Variants in IL31RA observed in about 807,000 individuals in gnomAD.
The protein encoded by IL31RA is interleukin 31 receptor A, also known as interleukin-31 receptor subunit alpha.
IL31RA carries 66 observed loss-of-function variants against 83.7 expected under a neutral mutation model. That is an observed-to-expected ratio of 0.79 (90% CI 0.65 to 0.97). The LOEUF (loss-of-function observed/expected upper bound fraction) is 0.97, where lower values mean the gene tolerates loss of function less well. IL31RA is among the 50% of genes least tolerant of loss of function. The pLI is 0.00. For missense variants in IL31RA, 798 were observed against 919.4 expected, an observed-to-expected ratio of 0.87 and a Z score of 1.71; for synonymous variants, 325 against 329.0, an observed-to-expected ratio of 0.99 and a Z score of 0.13.
chr5:55,867,191 G>GTGTGTGCC (rs56032030), intron 2 of IL31RA, among the ~76,000 whole-genome samples: 1 of 119,592 alleles, frequency 8.4e-6, no homozygotes, highest in Non-Finnish European at 1.7e-5. Context: ...ATGTGTGTTT[G>GTGTGTGCC]TGTGTGTTTG....
Position 55,907,340 on chromosome 5 carries a change from TTTTC to T in IL31RA, c.1253-11_1253-8del, listed in dbSNP as rs1749214084. ...TGCCGTGCTCTGCACTTACACTTTTTTTTCTTTCTTTTTCACAGATAAATTAAAA... is the reference window on the plus strand; with the variant it reads ...TGCCGTGCTCTGCACTTACACTTTTTTTTCTTTTTCACAGATAAATTAAAA... On this transcript the variant is annotated splice_polypyrimidine_tract_variant and intron_variant, in intron 9 of 14. Coordinates refer to ENST00000652347, the MANE Select transcript of IL31RA (RefSeq NM_139017.7). 3.9e-6 allele frequency: 6 copies of T among 1,542,354 alleles called. No homozygotes were observed. Among genetic ancestry groups the T allele is most frequent in the Non-Finnish European group, 5.4e-6 (6 of 1,114,662 alleles).
chr5:55,864,786 A>G (rs1186842275), intron 2 of IL31RA, among the ~76,000 whole-genome samples: 1 of 151,128 alleles, frequency 6.6e-6, no homozygotes, highest in Non-Finnish European at 1.5e-5. Flanking sequence ...CATACCACAC[A>G]CACTCTACAC....
chr5:55,899,815 G>T, intron 7 of IL31RA, 101 bp from the exon 8 acceptor site: 2 of 779,876 alleles, frequency 2.6e-6, no homozygotes, highest in Non-Finnish European at 2.3e-6. Context: ...GTATCTAATA[G>T]TTAGCCTTAT....
At chr5:55,871,840 TTTATGTATCTACCA>T (rs1746525838) in intron 3 of IL31RA, among the ~76,000 whole-genome samples, 1 of 135,818 alleles carries the variant, frequency 7.4e-6, no homozygotes, top group South Asian at 2.2e-4. Context: ...TTACATTCTA[TTTATGTATCTACCA>T]TAATGTATTT....
Position 55,910,638 on chromosome 5 carries a change from C to A in IL31RA, c.1608C>A (p.Asn536Lys), listed in dbSNP as rs761085019. ...CCAGCACCAGTGCTGGGGGAACCAA[C>A]GGGACCAGCATAAATTTCAAGACAT... ...VMASTSAGGT[N>K]GTSINFKTLS... The change falls in exon 12 of 15, where the codon AAC (asparagine) becomes AAA (lysine). Residue 536 changes from asparagine to lysine, a missense_variant. Asn to Lys is a moderately conservative substitution (Grantham distance 94). Coordinates refer to ENST00000652347, the MANE Select transcript of IL31RA (RefSeq NM_139017.7). 1.2e-6 allele frequency: 2 copies of A among 1,614,036 alleles called. No homozygotes were observed. The highest frequency in any genetic ancestry group is 1.1e-5 in the South Asian group (1 of 91,094).
chr5:55,881,716 ATTTTTTT>A lies in IL31RA; in HGVS notation c.455-1305_455-1299del, dbSNP rs34217814. 3.3e-3 allele frequency among the ~76,000 whole-genome samples: 194 copies of A among 59,640 alleles called. 4 individuals are homozygous for A. In the East Asian group the frequency reaches 0.1, roughly 31 times the overall value. 39.1% of individuals were successfully genotyped at this position (59,640 alleles called of 152,430 possible). ...TGAGCCCACTCGCCCAGTTCCTGAG[ATTTTTTT>A]TTTTTTTTTTTTTTTTTTTTTTGAG... is the stretch of plus-strand genomic sequence containing the variant. On this transcript the variant is annotated intron_variant, in intron 4 of 14. Transcript: ENST00000652347.
chr5:55,867,209 GCGCA>G (rs1479148000), intron 2 of IL31RA, among the ~76,000 whole-genome samples: 18 of 64,380 alleles, frequency 2.8e-4, no homozygotes, highest in African/African-American at 1.7e-3. Flanking sequence ...TTGTGTGTGT[GCGCA>G]TGTGTGTTTG....
At chr5:55,886,066 A>G (rs928466810) in intron 5 of IL31RA, among the ~76,000 whole-genome samples, 9 of 152,118 alleles carry the variant, frequency 5.9e-5, no homozygotes, top group African/African-American at 2.2e-4. Context: ...AGTGAGGGCA[A>G]CGGGTATAAA....
At chr5:55,875,834 A>C (rs139878218) in intron 4 of IL31RA, among the ~76,000 whole-genome samples, 1 of 152,270 alleles carries the variant, frequency 6.6e-6, no homozygotes, top group East Asian at 1.9e-4. Context: ...TTTGAGGAGG[A>C]ATTTTGGCCT....
At chr5:55,886,717 T>C (rs79668079) in intron 5 of IL31RA, among the ~76,000 whole-genome samples, 8,256 of 152,308 alleles carry the variant, frequency 0.054, 479 homozygotes, top group African/African-American at 0.15. Flanking sequence ...ACCTGGCATC[T>C]ACCGATCCCT....
rs769114696 is a variant in IL31RA at position 55,890,070 on chromosome 5, C to T, written c.707C>T (p.Ala236Val). 9.9e-6 allele frequency: 16 copies of T among 1,613,678 alleles called. No homozygotes were observed. Among genetic ancestry groups the T allele is most frequent in the South Asian group, 4.4e-5 (4 of 91,068 alleles). ...GAATATGTCATAGCTCTGCGATGTGCGGTCAAGGAGTCAAAGTTCTGGAGT... is the reference window on the plus strand; with the variant it reads ...GAATATGTCATAGCTCTGCGATGTGTGGTCAAGGAGTCAAAGTTCTGGAGT... Reference protein sequence around the residue: ...FTEYVIALRCAVKESKFWSDW... With the variant: ...FTEYVIALRCVVKESKFWSDW... Residue 236 changes from alanine (A) to valine (V), a missense_variant, in exon 6 of 15, where the codon GCG becomes GTG. Coordinates refer to ENST00000652347, the MANE Select transcript of IL31RA (RefSeq NM_139017.7).
chr5:55,890,052 T>C lies in IL31RA; in HGVS notation c.689T>C (p.Val230Ala). The change falls in exon 6 of 15, where the codon GTC (valine) becomes GCC (alanine). Residue 230 changes from valine (V) to alanine (A), a missense_variant. Val to Ala is a moderately conservative substitution (Grantham distance 64). Transcript: ENST00000652347. ...GGGCTGCAGCCTTTTACAGAATATG[T>C]CATAGCTCTGCGATGTGCGGTCAAG... ...LTGLQPFTEY[V>A]IALRCAVKES... The C allele has an allele frequency of 1.2e-6, 2 of 1,613,998 alleles. No individual in the cohort carries two copies. The highest frequency in any genetic ancestry group is 1.7e-6 in the Non-Finnish European group (2 of 1,179,906).
intron 6 of IL31RA, among the ~76,000 whole-genome samples, chr5:55,895,363 C>A (rs911903085): frequency 6.6e-6 from 1 of 152,194 alleles, no homozygotes; most frequent in Non-Finnish European, 1.5e-5. Context: ...GGGCATTCAA[C>A]TATAAATTGC....
chr5:55,872,313 A>G lies in IL31RA; in HGVS notation c.316A>G (p.Thr106Ala), dbSNP rs775628126. ...KHDNCTTNSS[T>A]SENRASCSFF... is the part of the protein sequence containing the mutation. ...TGATAATTGTACAACCAATAGTTCT[A>G]CAAGTGAAAATCGTGCTTCGTGCTC... Residue 106 changes from threonine (T) to alanine (A), a missense_variant, in exon 4 of 15, where the codon ACA (threonine) becomes GCA (alanine). Transcript: ENST00000652347. 38 of 1,613,550 alleles carry G rather than the reference A, an allele frequency of 2.4e-5. No homozygotes were observed. Among genetic ancestry groups the G allele is most frequent in the Non-Finnish European group, 2.8e-5 (33 of 1,179,698 alleles).
chr5:55,882,966 T>C, intron 4 of IL31RA, 78 bp from the exon 5 acceptor site: 1 of 1,366,196 alleles, frequency 7.3e-7, no homozygotes, highest in East Asian at 2.3e-5. Flanking sequence ...GTATCATTTT[T>C]TTTCAATTTT....
At chr5:55,902,733 AT>A (rs976150101) in intron 8 of IL31RA, among the ~76,000 whole-genome samples, 55 of 152,326 alleles carry the variant, frequency 3.6e-4, no homozygotes, top group African/African-American at 1.3e-3. Flanking sequence ...TAATAAGATA[AT>A]TTTTGTAAGT....
At chr5:55,867,304 C>CGTGTGT (rs70995742) in intron 2 of IL31RA, among the ~76,000 whole-genome samples, 51 of 118,240 alleles carry the variant, frequency 4.3e-4, no homozygotes, top group East Asian at 4.7e-4. Flanking sequence ...TGTGTGTGTG[C>CGTGTGT]GTGTGTGTGT....
intron 1 of IL31RA, chr5:55,853,309 C>T: frequency 1.6e-6 from 2 of 1,221,290 alleles, no homozygotes; most frequent in Admixed American, 4.2e-5. Context: ...TTTGTTTTTG[C>T]TTTTGTTTTT....
intron 4 of IL31RA, among the ~76,000 whole-genome samples, chr5:55,882,180 G>A (rs1747281872): frequency 6.6e-6 from 1 of 152,198 alleles, no homozygotes; most frequent in Admixed American, 6.5e-5. Context: ...CTGGTGGGGT[G>A]TAGGGGGAGC....
Sources: allele counts gnomAD v4.1 joint callset (sites outside exome capture counted in the v4.1 genomes callset), GRCh38; gene constraint gnomAD v4.1.1; transcripts MANE v1.5; gene names NCBI Gene and HGNC (gene_info 2026-07-23, HGNC 2026-07-21).